Variants in PHKA1 observed in about 807,000 individuals in gnomAD.
The protein encoded by PHKA1 is phosphorylase kinase regulatory subunit alpha 1, also known as phosphorylase b kinase regulatory subunit alpha, skeletal muscle isoform.
In PHKA1, 60 loss-of-function variants were observed where a neutral mutation model predicts 110.2. The observed-to-expected ratio is 0.54, with a 90% CI of 0.44 to 0.68. The LOEUF (loss-of-function observed/expected upper bound fraction) is 0.68. Ranked by LOEUF, PHKA1 falls within the 30% of genes least tolerant of loss-of-function variation. The probability of loss-of-function intolerance (pLI) is 0.00; values close to 1 mark genes in which losing one functional copy is unlikely to be tolerated. For synonymous variants in PHKA1, 316 were observed against 333.6 expected, an observed-to-expected ratio of 0.95 and a Z score of 0.58; for missense variants, 801 against 942.5, an observed-to-expected ratio of 0.85 and a Z score of 1.97.
intron 13 of PHKA1, among the ~76,000 whole-genome samples, chrX:72,649,846 G>T (rs5958810): frequency 2.7e-5 from 3 of 110,332 alleles, no homozygotes; most frequent in African/African-American, 9.9e-5. Flanking sequence ...ACAAAAATTA[G>T]CTAGGCGTGG....
At chrX:72,613,776 A>G (rs1462211760) in intron 21 of PHKA1, among the ~76,000 whole-genome samples, 3 of 112,227 alleles carry the variant, frequency 2.7e-5, no homozygotes, top group Admixed American at 1.9e-4. Flanking sequence ...TTACAGTATC[A>G]GCAATGGGAC....
chrX:72,642,734 T>C (rs939118759), intron 14 of PHKA1, among the ~76,000 whole-genome samples: 12 of 111,226 alleles, frequency 1.1e-4, no homozygotes, highest in African/African-American at 3.9e-4. Flanking sequence ...GTTGAGTAAA[T>C]AGAGGGAACC....
At chrX:72,616,294 G>A (rs1008775188) in intron 21 of PHKA1, among the ~76,000 whole-genome samples, 1 of 112,166 alleles carries the variant, frequency 8.9e-6, no homozygotes, top group Admixed American at 9.4e-5. Context: ...CTTGAGCCCA[G>A]GAGTTTGAGA....
chrX:72,598,003 A>G (rs2052612623), intron 28 of PHKA1, among the ~76,000 whole-genome samples: 1 of 112,047 alleles, frequency 8.9e-6, no homozygotes, highest in South Asian at 3.7e-4. Flanking sequence ...AAGAAAAAAT[A>G]GACAAATTGG....
At chrX:72,657,530 G>C (rs2053510372) in intron 9 of PHKA1, 58 bp downstream of exon 9, 4 of 831,777 alleles carry the variant, frequency 4.8e-6, no homozygotes, top group Non-Finnish European at 7.3e-6. Flanking sequence ...CTCTGAATGA[G>C]GCTGCAGGTA....
rs1373673838 is a variant in PHKA1 at position 72,705,255 on chromosome X, T to C, written c.238-10A>G. 1 of 1,174,934 alleles carries C rather than the reference T, an allele frequency of 8.5e-7. No homozygotes were observed. Among genetic ancestry groups the C allele is most frequent in the African/African-American group, 1.8e-5 (1 of 56,477 alleles). On this transcript the variant is annotated splice_polypyrimidine_tract_variant and intron_variant, in intron 2 of 31. Coordinates refer to ENST00000373542, the MANE Select transcript of PHKA1 (RefSeq NM_002637.4). ...TCAGCTTCACTACACTCTGCAGAAA[T>C]AAATGGAAACAAGACAGTTATAAAC...
At chrX:72,622,864 G>C (rs1056521953) in intron 18 of PHKA1, 1 of 751,983 alleles carries the variant, frequency 1.3e-6, no homozygotes, top group African/African-American at 2.3e-5. Flanking sequence ...AAATGCCTGG[G>C]AGAGGAATCT....
In PHKA1 at chrX:72,652,568, G is replaced by A; in HGVS notation, c.1221C>T (p.Tyr407=). Residue 407 remains tyrosine, a synonymous_variant, in exon 12 of 32, where the codon TAC becomes TAT. Transcript: ENST00000373542. The part of the protein sequence containing the change: ...KLPHMWGQSL[Y]ILGSLMAEGF... Reference sequence around the variant, plus strand: ...CCTCTGCCATCAAGCTTCCTAAAATGTATAGAGACTGACCCCACATGTGAG... The same window carrying A: ...CCTCTGCCATCAAGCTTCCTAAAATATATAGAGACTGACCCCACATGTGAG... The A allele has an allele frequency of 2.0e-5, 23 of 1,177,518 alleles. 1 individual carries two copies. Among genetic ancestry groups the A allele is most frequent in the African/African-American group, 1.6e-4 (9 of 57,145 alleles).
At chrX:72,649,268 T>C (rs2053399071) in intron 13 of PHKA1, among the ~76,000 whole-genome samples, 1 of 111,985 alleles carries the variant, frequency 8.9e-6, no homozygotes, top group Non-Finnish European at 1.9e-5. Flanking sequence ...TGGAGACATC[T>C]CAAAGGAGTT....
chrX:72,698,392 A>C (rs1207217370), intron 3 of PHKA1, among the ~76,000 whole-genome samples: 2 of 112,667 alleles, frequency 1.8e-5, no homozygotes, highest in African/African-American at 6.4e-5. Context: ...AACTTAAGTA[A>C]AATCTGTAAT....
intron 28 of PHKA1, 140 bp downstream of exon 28, chrX:72,601,851 C>T (rs1055621383): frequency 8.0e-6 from 4 of 499,866 alleles, no homozygotes; most frequent in African/African-American, 4.8e-5. Context: ...AAGCTATCTG[C>T]AAAATGACTG....
chrX:72,621,039 G>A, intron 18 of PHKA1, 138 bp from the exon 19 acceptor site: 1 of 638,120 alleles, frequency 1.6e-6, no homozygotes, highest in Non-Finnish European at 2.4e-6. Context: ...TTAGCTCATG[G>A]AGGAAAAGCT....
intron 8 of PHKA1, among the ~76,000 whole-genome samples, chrX:72,660,120 T>C (rs1463926108): frequency 8.9e-6 from 1 of 112,203 alleles, no homozygotes; most frequent in Non-Finnish European, 1.9e-5. Flanking sequence ...GTAATGTAAT[T>C]AGACTCATTT....
chrX:72,682,549 C>T (rs2053915595), intron 5 of PHKA1, among the ~76,000 whole-genome samples: 3 of 108,056 alleles, frequency 2.8e-5, no homozygotes, highest in Non-Finnish European at 5.8e-5. Context: ...GAGAAGTAGA[C>T]ATGGGAGACT....
At chrX:72,685,808 CTA>C (rs1556318665) in intron 4 of PHKA1, among the ~76,000 whole-genome samples, 2 of 111,933 alleles carry the variant, frequency 1.8e-5, no homozygotes, top group Non-Finnish European at 1.9e-5. Context: ...ATCAGGTTAG[CTA>C]TAGAGACTAA....
intron 14 of PHKA1, among the ~76,000 whole-genome samples, chrX:72,640,961 A>C (rs781840102): frequency 6.3e-4 from 70 of 111,561 alleles, no homozygotes; most frequent in Non-Finnish European, 5.7e-4. Flanking sequence ...ATAATTGATA[A>C]ATATATACAG....
chrX:72,582,626 C>T lies in PHKA1; in HGVS notation c.3298-28G>A, dbSNP rs1244455825. ...GTGATAGAGAAAAAGAAAATCACTT[C>T]CTAAGAGTCCATCATCCAAGAAACA... On this transcript the variant is annotated intron_variant, in intron 30 of 31. Transcript: ENST00000373542. 5 of 970,275 alleles carry T rather than the reference C, an allele frequency of 5.2e-6. No homozygotes were observed. The African/African-American group carries it at 9.5e-5, about 18-fold the overall frequency. 80.0% of individuals were successfully genotyped at this position (970,275 alleles called of 1,213,427 possible).
At chrX:72,612,763 C>T (rs1556262763) in intron 21 of PHKA1, among the ~76,000 whole-genome samples, 1 of 112,147 alleles carries the variant, frequency 8.9e-6, no homozygotes, top group African/African-American at 3.2e-5. Flanking sequence ...CTCTCGCACT[C>T]CTCCCATGAA....
At chrX:72,694,354 T>G (rs2054079818) in intron 4 of PHKA1, among the ~76,000 whole-genome samples, 1 of 112,225 alleles carries the variant, frequency 8.9e-6, no homozygotes, top group African/African-American at 3.2e-5. Context: ...GAAACTTCCT[T>G]GATTATTTAC....
Sources: allele counts gnomAD v4.1 joint callset (sites outside exome capture counted in the v4.1 genomes callset), GRCh38; gene constraint gnomAD v4.1.1; transcripts MANE v1.5; gene names NCBI Gene and HGNC (gene_info 2026-07-23, HGNC 2026-07-21).